The following ABCA8 variants were observed in gnomAD, a reference collection of about 807,000 sequenced individuals.
ABCA8 encodes the protein ABC-type organic anion transporter ABCA8.
In ABCA8, 177 loss-of-function variants were observed where a neutral mutation model predicts 192.3. The ratio of observed to expected loss-of-function variants is 0.92; its 90% CI spans 0.81 to 1.04. The LOEUF (loss-of-function observed/expected upper bound fraction) is 1.04, where lower values mean the gene tolerates loss of function less well. Ranked by LOEUF, ABCA8 falls within the 50% of genes least tolerant of loss-of-function variation. The probability of loss-of-function intolerance (pLI) is 0.00; values close to 1 mark genes in which losing one functional copy is unlikely to be tolerated. For missense variants in ABCA8, 1,915 were observed against 1,904.8 expected (o/e 1.01, Z -0.10); for synonymous variants, 642 against 690.2 (o/e 0.93, Z 1.09).
intron 17 of ABCA8, among the ~76,000 whole-genome samples, chr17:68,915,922 C>G (rs1598253116): frequency 6.6e-6 from 1 of 152,232 alleles, no homozygotes; most frequent in East Asian, 1.9e-4. Context: ...GGTACATACA[C>G]ACAATGGAGT....
At chr17:68,869,576 T>C in intron 38 of ABCA8, 124 bp downstream of exon 38, 1 of 731,840 alleles carries the variant, frequency 1.4e-6, no homozygotes, top group Non-Finnish European at 2.4e-6. Context: ...TAAAATTCAA[T>C]TTGAGACTGT....
At chr17:68,902,407 GGA>G (rs1239965617) in intron 21 of ABCA8, among the ~76,000 whole-genome samples, 4 of 152,178 alleles carry the variant, frequency 2.6e-5, no homozygotes, top group Admixed American at 2.6e-4. Context: ...TGAAAACCAT[GGA>G]ATTGTGCATT....
In ABCA8 at chr17:68,894,215, T is replaced by G; in HGVS notation, c.2994A>C (p.Lys998Asn). The G allele has an allele frequency of 6.2e-7, 1 of 1,613,428 alleles. No homozygotes were observed. Among genetic ancestry groups the G allele is most frequent in the Non-Finnish European group, 8.5e-7 (1 of 1,179,732 alleles). ...TTTCAGTTCGGATATGTACTGATGGTTTAACCATTCCAAGTAGCCCATTAC... is the reference window on the plus strand; with the variant it reads ...TTTCAGTTCGGATATGTACTGATGGGTTAACCATTCCAAGTAGCCCATTAC... ...IVSNGLLGMV[K>N]PSVHIRTERS... Residue 998 changes from lysine to asparagine, a missense_variant, in exon 23 of 40, where the codon AAA becomes AAC. Coordinates refer to ENST00000586539, the MANE Select transcript of ABCA8 (RefSeq NM_001288985.2).
intron 5 of ABCA8, among the ~76,000 whole-genome samples, chr17:68,934,067 C>G (rs564164202): frequency 6.6e-6 from 1 of 152,178 alleles, no homozygotes; most frequent in Non-Finnish European, 1.5e-5. Context: ...ATATATGCCA[C>G]TACATATCTC....
chr17:68,869,553 G>A, intron 38 of ABCA8, 147 bp downstream of exon 38: 2 of 645,860 alleles, frequency 3.1e-6, no homozygotes, highest in Non-Finnish European at 5.6e-6. Context: ...TATCTCCTTG[G>A]TTTGGGTCTT....
chr17:68,887,897 T>G lies in ABCA8; in HGVS notation c.3145-391A>C, dbSNP rs765670527. On this transcript the variant is annotated intron_variant, in intron 24 of 39. Transcript: ENST00000586539. Reference sequence around the variant, plus strand: ...TCTCTCCTCCATATATATATATATATATATATATATCCATATATATATATA... The same window carrying G: ...TCTCTCCTCCATATATATATATATAGATATATATATCCATATATATATATA... 5.9e-3 allele frequency among the ~76,000 whole-genome samples: 272 copies of G among 46,148 alleles called. 6 individuals carry two copies. The highest frequency in any genetic ancestry group is 0.017 in the Admixed American group (54 of 3,102). 30.3% of individuals were successfully genotyped at this position (46,148 alleles called of 152,430 possible). A position where few individuals can be genotyped will look rare whatever the true frequency, so the allele number is the denominator to read the frequency against.
intron 21 of ABCA8, among the ~76,000 whole-genome samples, chr17:68,901,011 G>C (rs1166560666): frequency 6.6e-6 from 1 of 152,128 alleles, no homozygotes; most frequent in Non-Finnish European, 1.5e-5. Flanking sequence ...TGTGAAAAAT[G>C]TGGCATGAAA....
chr17:68,879,320 G>A (rs191485916), intron 32 of ABCA8: 1 of 152,320 alleles, frequency 6.6e-6, no homozygotes, highest in Non-Finnish European at 1.5e-5. Context: ...ATACTGGAAA[G>A]ACAATGCTCA....
intron 19 of ABCA8, among the ~76,000 whole-genome samples, chr17:68,905,170 C>T (rs1166027587): frequency 6.6e-6 from 1 of 152,150 alleles, no homozygotes; most frequent in African/African-American, 2.4e-5. Context: ...AAGAGTCATG[C>T]CATTTTCTGG....
intron 22 of ABCA8, 22 bp from the exon 23 acceptor site, chr17:68,894,332 A>T (rs916112367): frequency 6.4e-7 from 1 of 1,574,072 alleles, no homozygotes. Flanking sequence ...CAAGTAGGAT[A>T]TAAGTTCTCA....
Position 68,938,081 on chromosome 17 carries a change from G to A in ABCA8, c.302-966C>T, listed in dbSNP as rs910145389. On this transcript the variant is annotated intron_variant, in intron 4 of 39. Coordinates refer to ENST00000586539, the MANE Select transcript of ABCA8 (RefSeq NM_001288985.2). The stretch of plus-strand genomic sequence containing the variant: ...TCTGTGAAACAGCAAGAGCAGACAC[G>A]TCTCAGGGCCGTTTAGGAGACTGGA... 2.6e-5 allele frequency among the ~76,000 whole-genome samples: 4 copies of A among 152,130 alleles called. No individual in the cohort carries two copies. The East Asian group carries it at 5.8e-4, about 22-fold the overall frequency.
chr17:68,875,419 T>C lies in ABCA8; in HGVS notation c.4491-19A>G, dbSNP rs2066174210. 1 of 1,611,552 alleles carries C rather than the reference T, an allele frequency of 6.2e-7. No homozygotes were observed. Among genetic ancestry groups the C allele is most frequent in the African/African-American group, 1.3e-5 (1 of 74,564 alleles). On this transcript the variant is annotated intron_variant, in intron 36 of 39. Coordinates refer to ENST00000586539, the MANE Select transcript of ABCA8 (RefSeq NM_001288985.2). Reference sequence around the variant, plus strand: ...GATACATCTGGAGGATGAGGTCATATGAGAAAGGAGAAAAAAAAAACCATT... The same window carrying C: ...GATACATCTGGAGGATGAGGTCATACGAGAAAGGAGAAAAAAAAAACCATT...
rs746178568 is a variant in ABCA8 at position 68,894,324 on chromosome 17, A to G, written c.2899-14T>C. The G allele has an allele frequency of 2.5e-6, 4 of 1,597,592 alleles. No individual in the cohort carries two copies. The highest frequency in any genetic ancestry group is 3.4e-6 in the Non-Finnish European group (4 of 1,174,268). On this transcript the variant is annotated splice_polypyrimidine_tract_variant and intron_variant, in intron 22 of 39. Transcript: ENST00000586539. ...AAAGCTGTAATTCTAAAATATAACA[A>G]GTAGGATATAAGTTCTCAAATATCT... is the stretch of plus-strand genomic sequence containing the variant.
chr17:68,876,393 A>C (rs2066205872), intron 35 of ABCA8, 67 bp downstream of exon 35: 2 of 1,598,746 alleles, frequency 1.3e-6, no homozygotes, highest in Non-Finnish European at 1.7e-6. Flanking sequence ...TTTTTACAGA[A>C]GAAAAATGGT....
chr17:68,948,472 T>C (rs1290425679), intron 2 of ABCA8, among the ~76,000 whole-genome samples: 1 of 152,254 alleles, frequency 6.6e-6, no homozygotes, highest in Non-Finnish European at 1.5e-5. Flanking sequence ...ATTGTGGTTT[T>C]GATTTGCATT....
chr17:68,910,509 C>T (rs991249721), intron 17 of ABCA8, among the ~76,000 whole-genome samples: 1 of 152,140 alleles, frequency 6.6e-6, no homozygotes, highest in African/African-American at 2.4e-5. Context: ...AAACGTAGGA[C>T]CACAGGGACT....
intron 16 of ABCA8, among the ~76,000 whole-genome samples, chr17:68,917,828 C>A (rs1307012300): frequency 3.9e-5 from 6 of 152,182 alleles, no homozygotes; most frequent in African/African-American, 1.2e-4. Context: ...AGTTTCCTGG[C>A]AGATCATGCT....
At chr17:68,884,284 T>C (rs755048930) in intron 28 of ABCA8, 47 bp downstream of exon 28, 2 of 1,481,138 alleles carry the variant, frequency 1.4e-6, no homozygotes, top group Non-Finnish European at 9.0e-7. Flanking sequence ...TGAAAATTAT[T>C]AAATTTAGTA....
At position 68,912,502 on chromosome 17, in the gene ABCA8, TA is replaced by T. The variant is rs139030220; in HGVS notation, c.2139-4624del. Among the ~76,000 whole-genome samples, 1,415 of 151,660 alleles carry T rather than the reference TA, an allele frequency of 9.3e-3. 25 individuals are homozygous for T. Among genetic ancestry groups the T allele is most frequent in the African/African-American group, 0.033 (1,344 of 41,334 alleles). On this transcript the variant is annotated intron_variant, in intron 17 of 39. Transcript: ENST00000586539. ...AGAGTCATTGGCCTTAAGGAGGAGA[TA>T]AAGAAAGAGATAAAGATAGAAAGTT... is the stretch of plus-strand genomic sequence containing the variant.
Sources: allele counts gnomAD v4.1 joint callset (sites outside exome capture counted in the v4.1 genomes callset), GRCh38; gene constraint gnomAD v4.1.1; transcripts MANE v1.5; gene names NCBI Gene and HGNC (gene_info 2026-07-23, HGNC 2026-07-21).